SAMD12: variants seen among roughly 807,000 people sequenced by gnomAD.
The protein encoded by SAMD12 is sterile alpha motif domain-containing protein 12.
Under a neutral mutation model 15.0 loss-of-function variants are expected in SAMD12, and 9 were observed. The observed-to-expected ratio is 0.60, with a 90% confidence interval of 0.36 to 1.05. The LOEUF is 1.05. Ranked by LOEUF, SAMD12 falls within the 50% of genes least tolerant of loss-of-function variation. The pLI is 0.01. For synonymous variants in SAMD12, 86 were observed against 90.1 expected (o/e 0.96, Z 0.25); for missense variants, 230 against 234.2 (o/e 0.98, Z 0.12).
chr8:118,204,511 T>C (rs561211906), intron 4 of SAMD12, among the ~76,000 whole-genome samples: 40 of 152,102 alleles, frequency 2.6e-4, no homozygotes, highest in African/African-American at 9.4e-4. Context: ...TCCCAGCACT[T>C]TGGGAGGCCG....
rs965796504 is a variant in SAMD12, at chr8:118,416,402, C to A, written c.322+23430G>T. On this transcript the variant is annotated intron_variant, in intron 3 of 3. Transcript: ENST00000314727. ...GACCCAAATTCTGGCAAAGGATAAT[C>A]CATAACAGCACACTTTTACTTAGTA... Among the ~76,000 whole-genome samples the A allele has an allele frequency of 5.9e-5, 9 of 152,106 alleles. No homozygotes were observed. In the East Asian group the frequency reaches 1.2e-3, roughly 20 times the overall value.
At chr8:118,586,916 C>T (rs1827464565) in intron 1 of SAMD12, among the ~76,000 whole-genome samples, 1 of 152,148 alleles carries the variant, frequency 6.6e-6, no homozygotes, top group East Asian at 1.9e-4. Flanking sequence ...TTCAAAAAAG[C>T]AAATAAAAGT....
At chr8:118,395,257 G>A (rs910331793) in intron 3 of SAMD12, among the ~76,000 whole-genome samples, 14 of 152,066 alleles carry the variant, frequency 9.2e-5, no homozygotes, top group African/African-American at 2.9e-4. Flanking sequence ...ACAAACACTC[G>A]CATGAATGCC....
At chr8:118,537,428 A>AT (rs1289504816) in intron 2 of SAMD12, among the ~76,000 whole-genome samples, 2 of 151,670 alleles carry the variant, frequency 1.3e-5, no homozygotes, top group Non-Finnish European at 1.5e-5. Flanking sequence ...CCTTTGAGGC[A>AT]TTTTCTAGAT....
intron 3 of SAMD12, among the ~76,000 whole-genome samples, chr8:118,429,534 T>A (rs1444987026): frequency 6.6e-6 from 1 of 152,218 alleles, no homozygotes; most frequent in Non-Finnish European, 1.5e-5. Context: ...TCCTTTCTAA[T>A]CTTTTTGTCT....
At chr8:118,240,718 T>C (rs1376540948) in intron 4 of SAMD12, among the ~76,000 whole-genome samples, 2 of 151,994 alleles carry the variant, frequency 1.3e-5, no homozygotes, top group African/African-American at 4.8e-5. Context: ...CTTCTTAAAG[T>C]GCCGACTACA....
intron 1 of SAMD12, among the ~76,000 whole-genome samples, chr8:118,605,135 T>C (rs931604161): frequency 6.6e-6 from 1 of 152,108 alleles, no homozygotes; most frequent in Non-Finnish European, 1.5e-5. Context: ...CTAGAAAAGC[T>C]AAGTGTTTTC....
At position 118,420,881 on chromosome 8, in the gene SAMD12, C is replaced by T. The variant is rs750164969; in HGVS notation, c.322+18951G>A. ...GGTTGGCAAACTACGACCCTCTGAG[C>T]TAAATCTGGCCTGCCACCTGTTTTT... is the stretch of plus-strand genomic sequence containing the variant. On this transcript the variant is annotated intron_variant, in intron 3 of 3. Transcript: ENST00000314727. 5.6e-4 allele frequency among the ~76,000 whole-genome samples: 86 copies of T among 152,288 alleles called. 1 individual carries two copies. The highest frequency in any genetic ancestry group is 1.1e-3 in the Non-Finnish European group (76 of 68,026).
At chr8:118,142,568 A>G in the SAMD12 span, among the ~76,000 whole-genome samples, 2 of 152,226 alleles carry the variant, frequency 1.3e-5, no homozygotes, top group African/African-American at 4.8e-5. Context: ...TGGAAACCTC[A>G]GATCAACGGG....
intron 2 of SAMD12, among the ~76,000 whole-genome samples, chr8:118,563,277 C>T (rs926971742): frequency 6.6e-6 from 1 of 152,160 alleles, no homozygotes; most frequent in Non-Finnish European, 1.5e-5. Flanking sequence ...ATATATAGAT[C>T]AAATATCACA....
chr8:118,584,898 A>G (rs1384405498), intron 1 of SAMD12, among the ~76,000 whole-genome samples: 2 of 150,828 alleles, frequency 1.3e-5, no homozygotes, highest in African/African-American at 4.9e-5. Flanking sequence ...TTGTCATTTA[A>G]TCCAACAATT....
At chr8:118,600,507 C>A (rs1827832893) in intron 1 of SAMD12, among the ~76,000 whole-genome samples, 1 of 152,136 alleles carries the variant, frequency 6.6e-6, no homozygotes, top group African/African-American at 2.4e-5. Flanking sequence ...TTTGAGGTGG[C>A]AACTACTAAT....
At chr8:118,433,852 G>C (rs1231918040) in intron 3 of SAMD12, among the ~76,000 whole-genome samples, 1 of 152,194 alleles carries the variant, frequency 6.6e-6, no homozygotes, top group African/African-American at 2.4e-5. Flanking sequence ...ACACTGGATA[G>C]TTAAATACGT....
chr8:118,182,317 T>C, the SAMD12 span, among the ~76,000 whole-genome samples: 1 of 152,238 alleles, frequency 6.6e-6, no homozygotes, highest in Non-Finnish European at 1.5e-5. Flanking sequence ...TTCTTAAACA[T>C]TCACATGATT....
chr8:118,237,856 C>T (rs2129953465), intron 4 of SAMD12, among the ~76,000 whole-genome samples: 1 of 152,264 alleles, frequency 6.6e-6, no homozygotes, highest in South Asian at 2.1e-4. Context: ...CTCCTCCTTC[C>T]TTTTCTCCCT....
intron 4 of SAMD12, among the ~76,000 whole-genome samples, chr8:118,215,719 GT>G (rs1300321526): frequency 6.6e-6 from 1 of 151,512 alleles, no homozygotes; most frequent in Non-Finnish European, 1.5e-5. Flanking sequence ...GCAGTGTTTG[GT>G]TTTTTGTTCT....
intron 1 of SAMD12, among the ~76,000 whole-genome samples, chr8:118,586,430 C>T (rs117482115): frequency 0.017 from 2,633 of 151,138 alleles, 38 homozygotes; most frequent in African/African-American, 0.036. Flanking sequence ...GCAGTCTCAA[C>T]CTCGCAGGCT....
intron 3 of SAMD12, among the ~76,000 whole-genome samples, chr8:118,406,437 C>A (rs1030458336): frequency 6.6e-6 from 1 of 151,988 alleles, no homozygotes; most frequent in Admixed American, 6.5e-5. Context: ...CCACACCTGG[C>A]TAATTTTTGT....
At chr8:118,472,308 A>G (rs112770619) in intron 2 of SAMD12, among the ~76,000 whole-genome samples, 20,225 of 151,540 alleles carry the variant, frequency 0.13, 1,533 homozygotes, top group African/African-American at 0.19. Flanking sequence ...AAAGAGTACA[A>G]GTACATAATA....
Sources: gnomAD v4.1 joint callset for allele counts (sites outside exome capture counted in the v4.1 genomes callset) on GRCh38, gnomAD v4.1.1 for gene constraint, MANE v1.5 for transcripts, NCBI Gene and HGNC (gene_info 2026-07-23, HGNC 2026-07-21) for gene names.